FGFR1: variants seen among roughly 807,000 people sequenced by gnomAD.
FGFR1 encodes the protein FGFR1/PLAG1 fusion.
FGFR1 carries 18 observed loss-of-function variants against 93.7 expected under a neutral mutation model. That is an observed-to-expected ratio of 0.19 (90% CI 0.13 to 0.28). The LOEUF is 0.28. FGFR1 is among the 10% of genes least tolerant of loss of function. The pLI, the probability that FGFR1 is intolerant of heterozygous loss-of-function variation, is 1.00. For missense variants in FGFR1, 731 were observed against 1,080.4 expected (o/e 0.68, Z 4.53); for synonymous variants, 448 against 429.3 (o/e 1.04, Z -0.54).
At chr8:38,414,981 T>A in intron 13 of FGFR1, 80 bp from the exon 14 acceptor site, 2 of 1,167,740 alleles carry the variant, frequency 1.7e-6, no homozygotes, top group Non-Finnish European at 1.3e-6. Context: ...CCCATGCAAC[T>A]AGCCGACTTG....
chr8:38,457,112 C>T (rs1833043519), intron 2 of FGFR1, among the ~76,000 whole-genome samples: 1 of 152,214 alleles, frequency 6.6e-6, no homozygotes, highest in African/African-American at 2.4e-5. Context: ...AACATGTCAT[C>T]TCAGGTAAAT....
intron 2 of FGFR1, among the ~76,000 whole-genome samples, chr8:38,439,163 G>A (rs1178299043): frequency 6.6e-6 from 1 of 152,126 alleles, no homozygotes; most frequent in African/African-American, 2.4e-5. Context: ...GGCTCCCAAA[G>A]TCACAAAACA....
chr8:38,460,955 T>C lies in FGFR1; in HGVS notation c.-88-3421A>G, dbSNP rs891354980. On this transcript the variant is annotated intron_variant, in intron 1 of 17. Transcript: ENST00000447712. ...TACACAGCAGCTTCCTCCAAGACCC[T>C]GCAGCTGGTTCCCCCCGCCCCGTCT... is the stretch of plus-strand genomic sequence containing the variant. 38 of 1,032,064 alleles carry C rather than the reference T, an allele frequency of 3.7e-5. No individual in the cohort carries two copies. The African/African-American group carries it at 5.2e-4, about 14-fold the overall frequency. 63.9% of individuals were successfully genotyped at this position (1,032,064 alleles called of 1,614,324 possible). A position where few individuals can be genotyped will look rare whatever the true frequency, so the allele number is the denominator to read the frequency against.
intron 13 of FGFR1, 137 bp from the exon 14 acceptor site, chr8:38,415,038 T>G: frequency 1.5e-6 from 1 of 672,430 alleles, no homozygotes; most frequent in East Asian, 2.7e-5. Context: ...AACCTTTGCT[T>G]TCCCTCTTCT....
chr8:38,423,103 A>C (rs1163044989), intron 7 of FGFR1: 1 of 778,640 alleles, frequency 1.3e-6, no homozygotes, highest in Admixed American at 1.7e-5. Flanking sequence ...TTACACACAT[A>C]CTCCCCGCTC....
At chr8:38,425,331 A>G (rs911689227) in intron 6 of FGFR1, among the ~76,000 whole-genome samples, 1 of 152,030 alleles carries the variant, frequency 6.6e-6, no homozygotes, top group Non-Finnish European at 1.5e-5. Flanking sequence ...ATTTTTTTAT[A>G]GAGACAGGGT....
intron 2 of FGFR1, among the ~76,000 whole-genome samples, chr8:38,441,873 G>GC (rs773580457): frequency 3.9e-4 from 60 of 152,282 alleles, no homozygotes; most frequent in South Asian, 1.0e-3. Flanking sequence ...AATGGAAAGA[G>GC]CCATCCCCAA....
intron 2 of FGFR1, among the ~76,000 whole-genome samples, chr8:38,451,330 C>T (rs1176477503): frequency 2.6e-5 from 4 of 151,816 alleles, no homozygotes; most frequent in South Asian, 2.1e-4. Flanking sequence ...TGCTAGACTA[C>T]AGGTCTGATA....
chr8:38,452,761 G>C (rs1831486905), intron 2 of FGFR1, among the ~76,000 whole-genome samples: 1 of 152,150 alleles, frequency 6.6e-6, no homozygotes, highest in African/African-American at 2.4e-5. Context: ...CAGATCATGA[G>C]GTCAGGAGAC....
At chr8:38,436,976 A>C (rs905731964) in intron 2 of FGFR1, among the ~76,000 whole-genome samples, 2 of 152,168 alleles carry the variant, frequency 1.3e-5, no homozygotes, top group Non-Finnish European at 2.9e-5. Flanking sequence ...TCCGCCTCCC[A>C]GGTTCAAGTG....
rs201022898 is a variant in FGFR1, at chr8:38,417,565, C to G, written c.1553-149G>C. 220 of 790,062 alleles carry G rather than the reference C, an allele frequency of 2.8e-4. 4 individuals carry two copies. The East Asian group carries it at 5.4e-3, about 19-fold the overall frequency. 48.9% of individuals were successfully genotyped at this position (790,062 alleles called of 1,614,324 possible). ...CATCCAAACTTGTTTTCTCTTCCCT[C>G]TCATGGGAGCCGTTGTTGCAATAGG... On this transcript the variant is annotated intron_variant, in intron 11 of 17. Coordinates refer to ENST00000447712, the MANE Select transcript of FGFR1 (RefSeq NM_023110.3).
chr8:38,466,634 G>C (rs1835574629), intron 1 of FGFR1: 2 of 228,174 alleles, frequency 8.8e-6, no homozygotes, highest in Non-Finnish European at 1.7e-5. Context: ...GCATCTCCAA[G>C]TCTCCAGAAA....
chr8:38,441,519 GAAAA>G (rs1280759554), intron 2 of FGFR1, among the ~76,000 whole-genome samples: 2 of 152,166 alleles, frequency 1.3e-5, no homozygotes, highest in African/African-American at 4.8e-5. Flanking sequence ...GAGCTGTACA[GAAAA>G]CTCTTACTAC....
At chr8:38,444,556 A>ATTTTTTTTTTTTTTTT (rs562700623) in intron 2 of FGFR1, among the ~76,000 whole-genome samples, 1 of 129,234 alleles carries the variant, frequency 7.7e-6, no homozygotes. Context: ...GCGTGGCTAA[A>ATTTTTTTTTTTTTTTT]TTTTTTTTTT....
chr8:38,421,945 G>A lies in FGFR1; in HGVS notation c.937-4C>T, dbSNP rs777156333. ...CGGTGGTATTAACTCCAGCAGTCTA[G>A]AAGAGACAACGGAAGCAAAATGGAC... On this transcript the variant is annotated splice_region_variant and splice_polypyrimidine_tract_variant and intron_variant, in intron 7 of 17. Transcript: ENST00000447712. 12 of 1,614,140 alleles carry A rather than the reference G, an allele frequency of 7.4e-6. No individual in the cohort carries two copies. The Admixed American group carries it at 2.0e-4, about 27-fold the overall frequency.
intron 1 of FGFR1, among the ~76,000 whole-genome samples, chr8:38,460,096 T>C (rs1038271675): frequency 2.1e-4 from 32 of 152,142 alleles, no homozygotes; most frequent in Admixed American, 3.9e-4. Context: ...CGCATGAGAA[T>C]TGCTTGAATT....
At chr8:38,460,705 T>A (rs973850639) in intron 1 of FGFR1, among the ~76,000 whole-genome samples, 4 of 152,174 alleles carry the variant, frequency 2.6e-5, no homozygotes, top group Non-Finnish European at 5.9e-5. Flanking sequence ...CCTGGCCTCC[T>A]GGCACCAACT....
intron 2 of FGFR1, among the ~76,000 whole-genome samples, chr8:38,449,184 A>T (rs1830314500): frequency 1.3e-5 from 2 of 152,142 alleles, no homozygotes; most frequent in Admixed American, 1.3e-4. Context: ...TTCAAAAGGG[A>T]GGTGGCCCTT....
chr8:38,446,564 C>T (rs903645909), intron 2 of FGFR1, among the ~76,000 whole-genome samples: 5 of 152,062 alleles, frequency 3.3e-5, no homozygotes, highest in Non-Finnish European at 5.9e-5. Context: ...AGGCGCCCAC[C>T]ACCACGCCCA....
Sources: allele counts gnomAD v4.1 joint callset (sites outside exome capture counted in the v4.1 genomes callset), GRCh38; gene constraint gnomAD v4.1.1; transcripts MANE v1.5; gene names NCBI Gene and HGNC (gene_info 2026-07-23, HGNC 2026-07-21).